The following SV2C variants were observed in gnomAD, a reference collection of about 807,000 sequenced individuals.
SV2C encodes the protein synaptic vesicle glycoprotein 2C.
Under a neutral mutation model 79.7 loss-of-function variants are expected in SV2C, and 49 were observed. That is an observed-to-expected ratio of 0.61 (90% CI 0.49 to 0.78). The LOEUF (loss-of-function observed/expected upper bound fraction) is 0.78. SV2C is among the 30% of genes least tolerant of loss of function. The probability of loss-of-function intolerance (pLI) is 0.00; values close to 1 mark genes in which losing one functional copy is unlikely to be tolerated. For missense variants in SV2C, 833 were observed against 912.9 expected (o/e 0.91, Z 1.13); for synonymous variants, 334 against 333.2 (o/e 1.00, Z -0.03).
At chr5:76,111,662 C>T (rs144276316) in intron 1 of SV2C, among the ~76,000 whole-genome samples, 4 of 152,092 alleles carry the variant, frequency 2.6e-5, no homozygotes, top group South Asian at 2.1e-4. Context: ...GCTAATTTGC[C>T]CCCCCAGGAT....
At chr5:76,248,749 G>T (rs1188410509) in intron 4 of SV2C, among the ~76,000 whole-genome samples, 2 of 151,834 alleles carry the variant, frequency 1.3e-5, no homozygotes, top group African/African-American at 2.4e-5. Context: ...CTCCAAAGTA[G>T]CTGGGATTAC....
At chr5:75,903,417 A>G in the SV2C span, among the ~76,000 whole-genome samples, 7 of 151,006 alleles carry the variant, frequency 4.6e-5, no homozygotes, top group Admixed American at 1.3e-4. Flanking sequence ...TGTTGAACCT[A>G]TGGTTTATTC....
the SV2C span, among the ~76,000 whole-genome samples, chr5:75,877,509 G>T: frequency 6.6e-6 from 1 of 151,416 alleles, no homozygotes; most frequent in South Asian, 2.1e-4. Flanking sequence ...GCCATATGTT[G>T]GATCATTTTT....
chr5:76,229,640 G>A (rs941874287), intron 4 of SV2C, among the ~76,000 whole-genome samples: 3 of 152,206 alleles, frequency 2.0e-5, no homozygotes, highest in African/African-American at 4.8e-5. Flanking sequence ...TTCCTGTTTA[G>A]ACAGGGCAAG....
chr5:76,030,266 G>GGTTTTTTTTTTTTTT, the SV2C span, among the ~76,000 whole-genome samples: 26 of 31,964 alleles, frequency 8.1e-4, no homozygotes, highest in African/African-American at 3.7e-3. Flanking sequence ...TCAGAGGCTT[G>GGTTTTTTTTTTTTTT]TTTTTTTTTT....
chr5:75,937,161 A>G, the SV2C span, among the ~76,000 whole-genome samples: 6 of 152,226 alleles, frequency 3.9e-5, no homozygotes, highest in Non-Finnish European at 8.8e-5. Flanking sequence ...AATATTGTCA[A>G]ACAGCTTAAA....
the SV2C span, among the ~76,000 whole-genome samples, chr5:75,968,525 G>A: frequency 9.9e-5 from 15 of 152,176 alleles, no homozygotes; most frequent in African/African-American, 3.4e-4. Context: ...ACTACATGAC[G>A]AATGCACAAG....
the SV2C span, among the ~76,000 whole-genome samples, chr5:75,876,708 G>T: frequency 2.6e-5 from 4 of 152,082 alleles, no homozygotes; most frequent in Non-Finnish European, 4.4e-5. Flanking sequence ...AGCTATGTAG[G>T]AGTAATGTGT....
At chr5:76,090,547 T>G (rs1174285138) in intron 1 of SV2C, among the ~76,000 whole-genome samples, 2 of 152,168 alleles carry the variant, frequency 1.3e-5, no homozygotes, top group Non-Finnish European at 2.9e-5. Context: ...TCTAGTGTGT[T>G]CAGACCTTTA....
the SV2C span, among the ~76,000 whole-genome samples, chr5:75,998,606 G>A: frequency 6.6e-6 from 1 of 151,836 alleles, no homozygotes; most frequent in Non-Finnish European, 1.5e-5. Context: ...GAACATGATA[G>A]TGTGTGTGTG....
intron 1 of SV2C, among the ~76,000 whole-genome samples, chr5:76,104,185 A>G (rs1747830232): frequency 6.6e-6 from 1 of 152,194 alleles, no homozygotes; most frequent in African/African-American, 2.4e-5. Flanking sequence ...GCCTGCCTGT[A>G]TGTGACAGTT....
At chr5:75,899,539 T>C in the SV2C span, among the ~76,000 whole-genome samples, 2 of 152,084 alleles carry the variant, frequency 1.3e-5, no homozygotes, top group African/African-American at 4.8e-5. Flanking sequence ...AAATGTATAT[T>C]CTGTTGATTT....
In SV2C at chr5:76,119,504, C is replaced by G. The variant is rs191287014; in HGVS notation, c.-101-12146C>G. On this transcript the variant is annotated intron_variant, in intron 1 of 12. Transcript: ENST00000502798. The stretch of plus-strand genomic sequence containing the variant: ...CAAGCTGGGAGCCATACTGCCCATT[C>G]CTACCTGGAAGAAGGGACAGTCCAC... Among the ~76,000 whole-genome samples the G allele has an allele frequency of 8.1e-4, 123 of 152,166 alleles. 4 individuals are homozygous for G. The highest frequency in any genetic ancestry group is 7.1e-3 in the Admixed American group (108 of 15,290).
At chr5:76,123,147 GACACATAC>G in intron 1 of SV2C, among the ~76,000 whole-genome samples, 1 of 152,266 alleles carries the variant, frequency 6.6e-6, no homozygotes, top group Admixed American at 6.5e-5. Flanking sequence ...TAAATTCGTC[GACACATAC>G]ACTCTCCCAA....
At chr5:76,009,163 AT>A in the SV2C span, among the ~76,000 whole-genome samples, 1 of 152,312 alleles carries the variant, frequency 6.6e-6, no homozygotes, top group South Asian at 2.1e-4. Context: ...ATACAAAAAA[AT>A]GTTCCACATC....
At chr5:75,974,349 A>G in the SV2C span, among the ~76,000 whole-genome samples, 1 of 152,168 alleles carries the variant, frequency 6.6e-6, no homozygotes, top group Non-Finnish European at 1.5e-5. Flanking sequence ...TTTCTAAAAT[A>G]TATGAGAACA....
intron 5 of SV2C, 47 bp from the exon 6 acceptor site, chr5:76,285,731 AGGG>A (rs1350325061): frequency 1.3e-6 from 2 of 1,493,278 alleles, no homozygotes; most frequent in Non-Finnish European, 1.8e-6. Context: ...AAAATCAGGG[AGGG>A]TAAGTGTGTC....
intron 2 of SV2C, among the ~76,000 whole-genome samples, chr5:76,186,282 C>A (rs919120492): frequency 1.3e-5 from 2 of 152,192 alleles, no homozygotes; most frequent in African/African-American, 4.8e-5. Flanking sequence ...GTTCCAAAGT[C>A]GTTTCCACAT....
the SV2C span, among the ~76,000 whole-genome samples, chr5:75,991,566 G>GATAT: frequency 0.026 from 3,631 of 140,346 alleles, 182 homozygotes; most frequent in African/African-American, 0.088. Flanking sequence ...TTCTTAGCAA[G>GATAT]ATATATATAT....
Sources: allele counts gnomAD v4.1 joint callset (sites outside exome capture counted in the v4.1 genomes callset), GRCh38; gene constraint gnomAD v4.1.1; transcripts MANE v1.5; gene names NCBI Gene and HGNC (gene_info 2026-07-23, HGNC 2026-07-21).